PPIL3: variants seen among roughly 807,000 people sequenced by gnomAD.
PPIL3 encodes the protein peptidylprolyl isomerase like 3.
PPIL3 carries 13 observed loss-of-function variants against 20.9 expected under a neutral mutation model. That is an observed-to-expected ratio of 0.62 (90% confidence interval 0.40 to 0.99). The LOEUF (loss-of-function observed/expected upper bound fraction) is 0.99. PPIL3 is among the 50% of genes least tolerant of loss of function. The pLI is 0.00. For synonymous variants in PPIL3, 71 were observed against 64.4 expected, an observed-to-expected ratio of 1.10 and a Z score of -0.49; for missense variants, 170 against 195.2, an observed-to-expected ratio of 0.87 and a Z score of 0.77.
chr2:200,888,494 CT>C (rs2124857706), intron 1 of PPIL3: 1 of 160,866 alleles, frequency 6.2e-6, no homozygotes, highest in Admixed American at 6.2e-5. Flanking sequence ...CACCACAGCA[CT>C]TATCACTAAT....
intron 2 of PPIL3, 28 bp downstream of exon 2, chr2:200,887,583 GAC>G (rs1205762141): frequency 1.9e-6 from 3 of 1,541,044 alleles, no homozygotes; most frequent in Non-Finnish European, 2.7e-6. Flanking sequence ...TATAATGAAA[GAC>G]ATTAGATAAA....
intron 2 of PPIL3, among the ~76,000 whole-genome samples, chr2:200,886,683 C>A (rs2039948610): frequency 6.6e-6 from 1 of 152,188 alleles, no homozygotes; most frequent in African/African-American, 2.4e-5. Flanking sequence ...ACCTCTGCCT[C>A]CCAAAGTGCC....
At position 200,881,489 on chromosome 2, in the gene PPIL3, CTACAT is replaced by C. The variant is rs764035340; in HGVS notation, c.173-6_173-2del. On this transcript the variant is annotated splice_acceptor_variant and splice_polypyrimidine_tract_variant and intron_variant, in intron 4 of 6. Coordinates refer to ENST00000392283, the MANE Select transcript of PPIL3 (RefSeq NM_130906.3). LOFTEE classifies it high-confidence loss of function. ...ATACTGTTGCCTCCTCTTCCAGTTC[CTACAT>C]TACAAGTGAAGCAAATCAAAAGAAG... 1.9e-5 allele frequency: 30 copies of C among 1,610,998 alleles called. No individual in the cohort carries two copies. The highest frequency in any genetic ancestry group is 6.7e-5 in the African/African-American group (5 of 74,822).
intron 5 of PPIL3, among the ~76,000 whole-genome samples, chr2:200,879,366 G>A (rs962632357): frequency 2.6e-5 from 4 of 151,924 alleles, no homozygotes; most frequent in African/African-American, 4.8e-5. Context: ...TGATCCGCCC[G>A]CCTCGGCCTC....
At chr2:200,878,148 C>T (rs2039589998) in intron 5 of PPIL3, among the ~76,000 whole-genome samples, 1 of 152,084 alleles carries the variant, frequency 6.6e-6, no homozygotes, top group Non-Finnish European at 1.5e-5. Context: ...TTAATACATA[C>T]ACAATATTTA....
chr2:200,888,455 T>A (rs565789478), intron 1 of PPIL3: 5 of 155,926 alleles, frequency 3.2e-5, no homozygotes, highest in African/African-American at 1.2e-4. Flanking sequence ...ACAGCACTTA[T>A]ACTAATATAC....
rs909117212 is a variant in PPIL3 at position 200,882,231 on chromosome 2, T to TAAACA, written c.172+106_172+110dup. 1.1e-4 allele frequency: 83 copies of TAAACA among 768,902 alleles called. 1 individual carries two copies. In the East Asian group the frequency reaches 1.1e-3, roughly 10 times the overall value. 47.6% of individuals were successfully genotyped at this position (768,902 alleles called of 1,614,324 possible). ...TCTGTACTTGTAGAACAGAACTTATTAAACAAAACAAAACAAAACAAAAAC... is the reference window on the plus strand; with the variant it reads ...TCTGTACTTGTAGAACAGAACTTATTAAACAAAACAAAACAAAACAAAACAAAAAC... On this transcript the variant is annotated intron_variant, in intron 4 of 6. Transcript: ENST00000392283.
chr2:200,874,408 A>C (rs1315751986), intron 6 of PPIL3, among the ~76,000 whole-genome samples: 3 of 151,732 alleles, frequency 2.0e-5, no homozygotes, highest in Admixed American at 6.6e-5. Context: ...GTAAAAAGTT[A>C]AAAAAACCCA....
chr2:200,887,495 T>C, intron 2 of PPIL3, 118 bp downstream of exon 2: 2 of 642,812 alleles, frequency 3.1e-6, no homozygotes, highest in Non-Finnish European at 5.3e-6. Context: ...AGTGCTTCTA[T>C]ATTATACAAT....
intron 1 of PPIL3, 63 bp from the exon 2 acceptor site, chr2:200,887,748 T>C: frequency 1.5e-6 from 1 of 651,980 alleles, no homozygotes; most frequent in Non-Finnish European, 2.5e-6. Flanking sequence ...CACGCTCATC[T>C]TTACTGAACA....
intron 6 of PPIL3, among the ~76,000 whole-genome samples, chr2:200,875,745 A>G (rs1383482457): frequency 2.0e-5 from 3 of 151,358 alleles, no homozygotes; most frequent in African/African-American, 7.3e-5. Flanking sequence ...GCTAATTTTT[A>G]AATTTTTTTT....
At chr2:200,882,983 C>A (rs564636856) in intron 3 of PPIL3, among the ~76,000 whole-genome samples, 58 of 151,726 alleles carry the variant, frequency 3.8e-4, no homozygotes, top group African/African-American at 1.4e-3. Context: ...CTCCTCATCA[C>A]ATATACTAAG....
chr2:200,871,534 CAACAT>C lies in PPIL3; in HGVS notation c.360-18_360-14del, dbSNP rs1316746983. On this transcript the variant is annotated splice_polypyrimidine_tract_variant and intron_variant, in intron 6 of 6. Transcript: ENST00000392283. Reference sequence around the variant, plus strand: ...ACCATCTATTACCCTGAAAGAGAAACAACATAACATATGAAAATTTCCTTAAATTG... The same window carrying C: ...ACCATCTATTACCCTGAAAGAGAAACAACATATGAAAATTTCCTTAAATTG... 6.9e-6 allele frequency: 11 copies of C among 1,603,162 alleles called. No individual in the cohort carries two copies. The highest frequency in any genetic ancestry group is 2.2e-5 in the East Asian group (1 of 44,782).
chr2:200,877,039 TGAA>T lies in PPIL3; in HGVS notation c.241-5_241-3del. On this transcript the variant is annotated splice_polypyrimidine_tract_variant and splice_region_variant and intron_variant, in intron 5 of 6. Transcript: ENST00000392283. ...AGATACAACACCTCTAACATTGTGC[TGAA>T]AAAGACACATCAAAGTATTAACTGT... 1 of 1,562,722 alleles carries T rather than the reference TGAA, an allele frequency of 6.4e-7. No homozygotes were observed. Among genetic ancestry groups the T allele is most frequent in the Non-Finnish European group, 8.8e-7 (1 of 1,133,500 alleles).
At chr2:200,887,490 T>C (rs1342411127) in intron 2 of PPIL3, 123 bp downstream of exon 2, 6 of 586,122 alleles carry the variant, frequency 1.0e-5, no homozygotes, top group Non-Finnish European at 1.5e-5. Context: ...TATTAAGTGC[T>C]TCTATATTAT....
chr2:200,874,939 G>C (rs1474792898), intron 6 of PPIL3, among the ~76,000 whole-genome samples: 2 of 152,146 alleles, frequency 1.3e-5, no homozygotes, highest in African/African-American at 4.8e-5. Context: ...ATGTTACCTA[G>C]ACTGGGAGTC....
rs779189285 is a variant in PPIL3 at position 200,880,409 on chromosome 2, C to CTTTTTTTTTTT, written c.240+1001_240+1011dup. 2.7e-4 allele frequency among the ~76,000 whole-genome samples: 35 copies of CTTTTTTTTTTT among 131,868 alleles called. 1 individual carries two copies. Among genetic ancestry groups the CTTTTTTTTTTT allele is most frequent in the African/African-American group, 6.5e-4 (21 of 32,526 alleles). 86.5% of individuals were successfully genotyped at this position (131,868 alleles called of 152,430 possible). On this transcript the variant is annotated intron_variant, in intron 5 of 6. Coordinates refer to ENST00000392283, the MANE Select transcript of PPIL3 (RefSeq NM_130906.3). Reference sequence around the variant, plus strand: ...AAACTGCATATTTTGATTGAGTAGACTTTTTTTTTTTTTTGAGTGGGGTCT... The same window carrying CTTTTTTTTTTT: ...AAACTGCATATTTTGATTGAGTAGACTTTTTTTTTTTTTTTTTTTTTTTTTGAGTGGGGTCT...
rs1401223490 is a variant in PPIL3, at chr2:200,889,022, G to C, written c.-137C>G. 4.2e-6 allele frequency: 2 copies of C among 471,118 alleles called. No individual in the cohort carries two copies. Among genetic ancestry groups the C allele is most frequent in the African/African-American group, 2.0e-5 (1 of 50,104 alleles). The allele number at this position is 471,118 out of a possible 1,614,324, so 29.2% of individuals were successfully genotyped here. On this transcript the variant is annotated 5_prime_UTR_variant, in exon 1 of 7. Transcript: ENST00000392283. ...AGGAAAAATGCAATCGCAGATGCCA[G>C]CAGAGGTCTGTTGGTTCAAAATTAT...
At position 200,871,071 on chromosome 2, in the gene PPIL3, G is replaced by A. The variant is rs1375822101; in HGVS notation, c.*324C>T. On this transcript the variant is annotated 3_prime_UTR_variant, in exon 7 of 7. Transcript: ENST00000392283. ...CTTCCAGGATACGGACTTGCTGTGG[G>A]AGGAATATGTAATCAGGCCACTCAA... 5.5e-6 allele frequency: 1 copy of A among 181,000 alleles called. No individual in the cohort carries two copies. Among genetic ancestry groups the A allele is most frequent in the Admixed American group, 5.9e-5 (1 of 17,036 alleles). 11.2% of individuals were successfully genotyped at this position (181,000 alleles called of 1,614,324 possible). A position where few individuals can be genotyped will look rare whatever the true frequency, so the allele number is the denominator to read the frequency against.
Sources: gnomAD v4.1 joint callset for allele counts (sites outside exome capture counted in the v4.1 genomes callset) on GRCh38, gnomAD v4.1.1 for gene constraint, MANE v1.5 for transcripts, NCBI Gene and HGNC (gene_info 2026-07-23, HGNC 2026-07-21) for gene names.